ZFPM2: variants seen among roughly 807,000 people sequenced by gnomAD.
The protein encoded by ZFPM2 is zinc finger protein, FOG family member 2.
In ZFPM2, 20 loss-of-function variants were observed where a neutral mutation model predicts 98.6. The ratio of observed to expected loss-of-function variants is 0.20; its 90% CI spans 0.14 to 0.29. ZFPM2 has a LOEUF of 0.29. Among genes scored for constraint, ZFPM2 ranks in the 10% least tolerant of loss-of-function variants. ZFPM2 has a pLI of 1.00. For missense variants in ZFPM2, 1,310 were observed against 1,388.6 expected (o/e 0.94, Z 0.90); for synonymous variants, 518 against 502.7 (o/e 1.03, Z -0.41).
chr8:105,492,407 G>A (rs886771686), intron 3 of ZFPM2, among the ~76,000 whole-genome samples: 1 of 152,016 alleles, frequency 6.6e-6, no homozygotes, highest in Non-Finnish European at 1.5e-5. Context: ...AAATAGTATT[G>A]AACTTTCTAA....
At chr8:105,429,967 G>A (rs1425632111) in intron 2 of ZFPM2, among the ~76,000 whole-genome samples, 2 of 152,140 alleles carry the variant, frequency 1.3e-5, no homozygotes, top group Non-Finnish European at 2.9e-5. Flanking sequence ...TCTAGCCAAT[G>A]ATAGACCTAG....
intron 3 of ZFPM2, among the ~76,000 whole-genome samples, chr8:105,448,405 C>T (rs1270766619): frequency 1.3e-5 from 2 of 151,870 alleles, no homozygotes; most frequent in Non-Finnish European, 2.9e-5. Flanking sequence ...TTCAGTTTAC[C>T]AATATTCTTA....
intron 4 of ZFPM2, among the ~76,000 whole-genome samples, chr8:105,611,926 G>C (rs1229579231): frequency 3.9e-5 from 6 of 151,934 alleles, no homozygotes; most frequent in Non-Finnish European, 7.4e-5. Context: ...TCGAACTCCT[G>C]ACCTCAGGCG....
chr8:105,627,810 A>G (rs755351139), intron 4 of ZFPM2, among the ~76,000 whole-genome samples: 2 of 152,276 alleles, frequency 1.3e-5, no homozygotes, highest in Admixed American at 6.5e-5. Flanking sequence ...CACTTCTTCA[A>G]TTTCACTGGT....
At chr8:105,521,148 CACACAA>C (rs1438500487) in intron 3 of ZFPM2, among the ~76,000 whole-genome samples, 3 of 151,306 alleles carry the variant, frequency 2.0e-5, no homozygotes, top group Admixed American at 6.6e-5. Context: ...CACACACACA[CACACAA>C]ACACACACAC....
intron 1 of ZFPM2, among the ~76,000 whole-genome samples, chr8:105,330,551 T>TAC (rs148196077): frequency 3.5e-3 from 234 of 67,672 alleles, no homozygotes; most frequent in Admixed American, 9.1e-3. Context: ...TATATATATA[T>TAC]ACATATATAT....
intron 5 of ZFPM2, among the ~76,000 whole-genome samples, chr8:105,681,883 C>T (rs1810613303): frequency 6.6e-6 from 1 of 151,976 alleles, no homozygotes; most frequent in Non-Finnish European, 1.5e-5. Flanking sequence ...TGTCTGCCTT[C>T]CCCAGTGGAT....
intron 4 of ZFPM2, among the ~76,000 whole-genome samples, chr8:105,592,750 A>G (rs1815877914): frequency 1.3e-5 from 2 of 152,148 alleles, no homozygotes; most frequent in Admixed American, 6.6e-5. Flanking sequence ...GTCTTGAAAC[A>G]GTTAAAAGAG....
intron 3 of ZFPM2, among the ~76,000 whole-genome samples, chr8:105,458,569 G>T (rs1209913387): frequency 6.6e-6 from 1 of 152,110 alleles, no homozygotes; most frequent in Non-Finnish European, 1.5e-5. Flanking sequence ...GAGACATGTT[G>T]CCACTTACAG....
chr8:105,613,773 A>T (rs1262488203), intron 4 of ZFPM2, among the ~76,000 whole-genome samples: 1 of 152,158 alleles, frequency 6.6e-6, no homozygotes, highest in East Asian at 1.9e-4. Flanking sequence ...GCAAAGTAGT[A>T]AAAATAGTAC....
At chr8:105,399,771 G>GT (rs201564987) in intron 1 of ZFPM2, among the ~76,000 whole-genome samples, 1,546 of 151,836 alleles carry the variant, frequency 0.01, 25 homozygotes, top group African/African-American at 0.035. Context: ...TGTGATACTT[G>GT]TTTTTTTTGT....
At chr8:105,457,826 C>T (rs79069397) in intron 3 of ZFPM2, among the ~76,000 whole-genome samples, 4,622 of 152,230 alleles carry the variant, frequency 0.03, 231 homozygotes, top group African/African-American at 0.11. Context: ...CTGTCACTCT[C>T]ATACCTGAGG....
chr8:105,427,512 A>G (rs1276791335), intron 2 of ZFPM2, among the ~76,000 whole-genome samples: 1 of 152,196 alleles, frequency 6.6e-6, no homozygotes, highest in Non-Finnish European at 1.5e-5. Flanking sequence ...ATCTTCTCAC[A>G]TAAATGTAGA....
At chr8:105,571,921 A>G (rs1815362696) in intron 4 of ZFPM2, among the ~76,000 whole-genome samples, 1 of 152,056 alleles carries the variant, frequency 6.6e-6, no homozygotes, top group Non-Finnish European at 1.5e-5. Context: ...CTTTATTATC[A>G]TATAAGGTTT....
rs1415551319 is a variant in ZFPM2, at chr8:105,487,904, A to G, written c.301+43523A>G. ...ATAAAGTCTGTCTGTCTATCTATCT[A>G]TCTATCTATCTATCTATCTATCTAT... On this transcript the variant is annotated intron_variant, in intron 3 of 7. Transcript: ENST00000407775. Among the ~76,000 whole-genome samples the G allele has an allele frequency of 9.3e-5, 7 of 74,880 alleles. No homozygotes were observed. The South Asian group carries it at 2.5e-3, about 27-fold the overall frequency. The allele number at this position is 74,880 out of a possible 152,430, so 49.1% of individuals were successfully genotyped here.
At chr8:105,528,149 G>C (rs1346575798) in intron 3 of ZFPM2, among the ~76,000 whole-genome samples, 1 of 152,168 alleles carries the variant, frequency 6.6e-6, no homozygotes. Flanking sequence ...CCAGGTGGGA[G>C]AATCAAGGAA....
At chr8:105,455,927 A>T (rs1812580688) in intron 3 of ZFPM2, among the ~76,000 whole-genome samples, 1 of 152,114 alleles carries the variant, frequency 6.6e-6, no homozygotes, top group Non-Finnish European at 1.5e-5. Context: ...TAGAGATAGA[A>T]ATTGGAGAGT....
intron 5 of ZFPM2, among the ~76,000 whole-genome samples, chr8:105,786,546 C>T (rs1418931220): frequency 6.6e-6 from 1 of 152,102 alleles, no homozygotes; most frequent in Middle Eastern, 3.4e-3. Context: ...TAGAATGATA[C>T]GCTCTGACTA....
intron 5 of ZFPM2, among the ~76,000 whole-genome samples, chr8:105,743,279 G>T (rs369813997): frequency 7.2e-5 from 11 of 152,018 alleles, no homozygotes; most frequent in African/African-American, 2.7e-4. Flanking sequence ...TGGGGCAACT[G>T]GTGGAGAATG....
Sources: allele counts gnomAD v4.1 joint callset (sites outside exome capture counted in the v4.1 genomes callset), GRCh38; gene constraint gnomAD v4.1.1; transcripts MANE v1.5; gene names NCBI Gene and HGNC (gene_info 2026-07-23, HGNC 2026-07-21).